The following MNAT1 variants were observed in gnomAD, a reference collection of about 807,000 sequenced individuals.
MNAT1 encodes the protein CDK-activating kinase assembly factor MAT1.
MNAT1 carries 43 observed loss-of-function variants against 42.0 expected under a neutral mutation model. That is an observed-to-expected ratio of 1.02 (90% CI 0.80 to 1.32). The LOEUF is 1.32. MNAT1 is among the 40% of genes most tolerant of loss of function. The pLI is 0.00. For missense variants in MNAT1, 306 were observed against 350.4 expected (o/e 0.87, Z 1.01); for synonymous variants, 118 against 120.0 (o/e 0.98, Z 0.11).
chr14:60,839,742 C>T (rs1211188692), intron 6 of MNAT1, among the ~76,000 whole-genome samples: 1 of 152,214 alleles, frequency 6.6e-6, no homozygotes, highest in Non-Finnish European at 1.5e-5. Flanking sequence ...TGGGTGCCTG[C>T]AGTGGAAGCC....
intron 7 of MNAT1, among the ~76,000 whole-genome samples, chr14:60,952,667 G>A (rs1261437377): frequency 6.6e-6 from 1 of 152,104 alleles, no homozygotes; most frequent in Non-Finnish European, 1.5e-5. Flanking sequence ...AGGTGAGTTC[G>A]ATTATGAAAA....
chr14:60,825,544 T>G (rs1464090400), intron 6 of MNAT1, among the ~76,000 whole-genome samples: 1 of 152,210 alleles, frequency 6.6e-6, no homozygotes, highest in Admixed American at 6.5e-5. Flanking sequence ...CTTAAGAATT[T>G]GTGACCTATG....
At chr14:60,738,722 A>G (rs1288271123) in intron 1 of MNAT1, among the ~76,000 whole-genome samples, 2 of 151,902 alleles carry the variant, frequency 1.3e-5, no homozygotes, top group African/African-American at 2.4e-5. Flanking sequence ...TTTAGTAGAG[A>G]TGGGGTTTCT....
At chr14:60,950,824 C>T (rs1400791942) in intron 7 of MNAT1, among the ~76,000 whole-genome samples, 1 of 152,236 alleles carries the variant, frequency 6.6e-6, no homozygotes, top group East Asian at 1.9e-4. Flanking sequence ...ATCATGGCTG[C>T]ACTTTAGAGC....
intron 7 of MNAT1, among the ~76,000 whole-genome samples, chr14:60,895,873 G>A (rs1243710850): frequency 6.6e-6 from 1 of 152,068 alleles, no homozygotes; most frequent in Non-Finnish European, 1.5e-5. Context: ...CAGTTTTTTT[G>A]TAGCTACACC....
chr14:60,791,969 A>G (rs1402281295), intron 1 of MNAT1, among the ~76,000 whole-genome samples: 1 of 152,156 alleles, frequency 6.6e-6, no homozygotes, highest in Non-Finnish European at 1.5e-5. Context: ...AAAATGTCTA[A>G]TATTTTGTTC....
chr14:60,815,741 C>T (rs1447569596), intron 5 of MNAT1, among the ~76,000 whole-genome samples: 1 of 152,132 alleles, frequency 6.6e-6, no homozygotes, highest in Non-Finnish European at 1.5e-5. Context: ...GTGTTTAGAT[C>T]ATATAACATG....
chr14:60,847,246 T>C (rs937084322), intron 6 of MNAT1, among the ~76,000 whole-genome samples: 2 of 151,866 alleles, frequency 1.3e-5, no homozygotes, highest in African/African-American at 4.8e-5. Context: ...CTACTAAAAA[T>C]ACAAAAAATT....
At chr14:60,808,044 A>C (rs2032431423) in intron 3 of MNAT1, among the ~76,000 whole-genome samples, 1 of 152,186 alleles carries the variant, frequency 6.6e-6, no homozygotes, top group Non-Finnish European at 1.5e-5. Flanking sequence ...AGAGGGGACT[A>C]TAAAAATCAG....
intron 1 of MNAT1, among the ~76,000 whole-genome samples, chr14:60,762,836 C>T (rs902589545): frequency 5.9e-5 from 9 of 151,490 alleles, no homozygotes; most frequent in Non-Finnish European, 8.8e-5. Context: ...ATTGTGACTA[C>T]CACTTGGCCG....
intron 3 of MNAT1, among the ~76,000 whole-genome samples, chr14:60,798,375 A>G (rs1169168177): frequency 1.3e-5 from 2 of 152,214 alleles, no homozygotes; most frequent in Admixed American, 1.3e-4. Context: ...TAGGAAAAAT[A>G]TGTTTAATAG....
At chr14:60,771,738 C>T (rs184897659) in intron 1 of MNAT1, among the ~76,000 whole-genome samples, 6 of 152,296 alleles carry the variant, frequency 3.9e-5, no homozygotes, top group South Asian at 2.1e-4. Flanking sequence ...TCTAACACTA[C>T]GTAATTTATC....
chr14:60,771,004 A>G (rs955274806), intron 1 of MNAT1, among the ~76,000 whole-genome samples: 1 of 152,120 alleles, frequency 6.6e-6, no homozygotes, highest in Non-Finnish European at 1.5e-5. Flanking sequence ...CTGCTGTAAC[A>G]TTCTTGTATA....
intron 1 of MNAT1, among the ~76,000 whole-genome samples, chr14:60,789,542 G>A (rs1199425977): frequency 6.6e-6 from 1 of 152,072 alleles, no homozygotes; most frequent in Non-Finnish European, 1.5e-5. Context: ...ATAAAATGAG[G>A]CATGCCTGTA....
At chr14:60,863,957 A>T (rs1206823700) in intron 6 of MNAT1, among the ~76,000 whole-genome samples, 1 of 152,076 alleles carries the variant, frequency 6.6e-6, no homozygotes, top group Non-Finnish European at 1.5e-5. Context: ...ACTGGTTCAT[A>T]TTTCAAAGGA....
intron 6 of MNAT1, among the ~76,000 whole-genome samples, chr14:60,825,936 G>T (rs964592259): frequency 4.6e-5 from 7 of 152,144 alleles, no homozygotes; most frequent in African/African-American, 1.7e-4. Context: ...ACCAAGGAAG[G>T]ATGTATAAAT....
chr14:60,897,711 C>T (rs538666141), intron 7 of MNAT1, among the ~76,000 whole-genome samples: 17 of 152,180 alleles, frequency 1.1e-4, no homozygotes, highest in African/African-American at 3.4e-4. Flanking sequence ...GGGTATCCGT[C>T]ACCTTGAGTA....
At chr14:60,818,440 A>G (rs1233398479) in intron 5 of MNAT1, among the ~76,000 whole-genome samples, 1 of 151,834 alleles carries the variant, frequency 6.6e-6, no homozygotes, top group African/African-American at 2.4e-5. Flanking sequence ...TGATTAGCTT[A>G]TTTTTTTCGT....
At chr14:60,762,417 C>T (rs1318171174) in intron 1 of MNAT1, among the ~76,000 whole-genome samples, 5 of 152,078 alleles carry the variant, frequency 3.3e-5, no homozygotes, top group Non-Finnish European at 5.9e-5. Context: ...CAGTGGCTCA[C>T]ACCTGTAATC....
Sources: allele counts gnomAD v4.1 joint callset (sites outside exome capture counted in the v4.1 genomes callset), GRCh38; gene constraint gnomAD v4.1.1; transcripts MANE v1.5; gene names NCBI Gene and HGNC (gene_info 2026-07-23, HGNC 2026-07-21).